Variants in THBS2 observed in about 807,000 individuals in gnomAD.
The protein encoded by THBS2 is thrombospondin-2.
In THBS2, 47 loss-of-function variants were observed where a neutral mutation model predicts 135.2. The observed-to-expected ratio is 0.35, with a 90% CI of 0.28 to 0.44. The LOEUF (loss-of-function observed/expected upper bound fraction) is 0.44, where lower values mean the gene tolerates loss of function less well. THBS2 is among the 20% of genes least tolerant of loss of function. The probability of loss-of-function intolerance (pLI) is 1.00; values close to 1 mark genes in which losing one functional copy is unlikely to be tolerated. For missense variants in THBS2, 1,288 were observed against 1,603.1 expected (o/e 0.80, Z 3.36); for synonymous variants, 639 against 633.8 (o/e 1.01, Z -0.12).
rs150102545 is a variant in THBS2, at chr6:169,219,804, C to T, written c.3511+394G>A. On this transcript the variant is annotated intron_variant, in intron 21 of 21. Transcript: ENST00000617924. ...TATTTTGATTCAAATATACCTGTAG[C>T]GAGATAACTATAGAGAAACTCCTTC... 1.4e-3 allele frequency: 736 copies of T among 524,226 alleles called. 3 individuals carry two copies. The highest frequency in any genetic ancestry group is 2.4e-3 in the South Asian group (169 of 71,374). 32.5% of individuals were successfully genotyped at this position (524,226 alleles called of 1,614,324 possible).
At chr6:169,248,049 CTGTGTG>C (rs35032917) in intron 3 of THBS2, among the ~76,000 whole-genome samples, 22 of 151,008 alleles carry the variant, frequency 1.5e-4, no homozygotes, top group African/African-American at 5.4e-4. Flanking sequence ...GTGTGCGTGT[CTGTGTG>C]TGTGTGTTGC....
chr6:169,243,672 C>T lies in THBS2; in HGVS notation c.695-1714G>A, dbSNP rs557189889. The stretch of plus-strand genomic sequence containing the variant: ...GAAACCACCCTGAGTGGATTTTACC[C>T]AGCACACTAATCTTTAACTAACCTA... On this transcript the variant is annotated intron_variant, in intron 4 of 21. Coordinates refer to ENST00000617924, the MANE Select transcript of THBS2 (RefSeq NM_003247.5). Among the ~76,000 whole-genome samples the T allele has an allele frequency of 1.1e-4, 16 of 152,328 alleles. No homozygotes were observed. In the East Asian group the frequency reaches 2.5e-3, roughly 24 times the overall value.
intron 4 of THBS2, among the ~76,000 whole-genome samples, chr6:169,243,300 G>A (rs757218656): frequency 7.9e-5 from 12 of 152,176 alleles, no homozygotes; most frequent in Non-Finnish European, 1.5e-4. Context: ...GACCTGAGGC[G>A]AGTCAGGGAC....
At chr6:169,248,042 T>C (rs1057388631) in intron 3 of THBS2, among the ~76,000 whole-genome samples, 7 of 129,558 alleles carry the variant, frequency 5.4e-5, no homozygotes, top group African/African-American at 1.9e-4. Context: ...GGTGTGTGTG[T>C]GCGTGTCTGT....
chr6:169,247,536 T>C (rs1780593277), intron 3 of THBS2, among the ~76,000 whole-genome samples: 3 of 151,894 alleles, frequency 2.0e-5, no homozygotes, highest in Admixed American at 2.0e-4. Flanking sequence ...GTGGGGGATG[T>C]GTGAGTGTAT....
intron 17 of THBS2, 146 bp downstream of exon 17, chr6:169,224,999 A>C (rs907479253): frequency 2.6e-6 from 2 of 766,018 alleles, no homozygotes; most frequent in Non-Finnish European, 4.4e-6. Flanking sequence ...CTCATATTGC[A>C]TGGACCCACA....
chr6:169,226,484 C>G (rs898378601), intron 15 of THBS2, among the ~76,000 whole-genome samples, 186 bp from the exon 16 acceptor site: 3 of 152,280 alleles, frequency 2.0e-5, no homozygotes, highest in Middle Eastern at 3.4e-3. Flanking sequence ...GAACATATGA[C>G]ATATTTCATT....
chr6:169,229,766 G>C (rs9505891), intron 13 of THBS2, 87 bp from the exon 14 acceptor site: 230,273 of 1,083,938 alleles, frequency 0.21, 27,060 homozygotes, highest in African/African-American at 0.4. Context: ...CCAGCATGGC[G>C]CCGAGGAAGG....
chr6:169,232,848 C>T, intron 11 of THBS2, 32 bp from the exon 12 acceptor site: 1 of 1,607,782 alleles, frequency 6.2e-7, no homozygotes, highest in Non-Finnish European at 8.5e-7. Flanking sequence ...AGAGGCCGCT[C>T]CCGACCTCAG....
At chr6:169,228,909 A>AT in intron 14 of THBS2, among the ~76,000 whole-genome samples, 1 of 146,546 alleles carries the variant, frequency 6.8e-6, no homozygotes. Flanking sequence ...GAGCGACCAA[A>AT]AAAAAAAAAA....
chr6:169,224,266 T>A (rs1201988804), intron 17 of THBS2, among the ~76,000 whole-genome samples: 1 of 152,250 alleles, frequency 6.6e-6, no homozygotes, highest in African/African-American at 2.4e-5. Flanking sequence ...TCTGAAATGC[T>A]GAAATGCTGC....
chr6:169,226,369 T>C, intron 15 of THBS2, 71 bp from the exon 16 acceptor site: 1 of 1,235,384 alleles, frequency 8.1e-7, no homozygotes, highest in Non-Finnish European at 1.2e-6. Context: ...AAAAGCACAT[T>C]GTTTTTCCTA....
In THBS2 at chr6:169,228,374, G is replaced by A. The variant is rs1438028939; in HGVS notation, c.2260-93C>T. ...TATAAGTTATGTACTCAAGGTTGAT[G>A]AAAATCAATATAGAAATCAAACAAA... On this transcript the variant is annotated intron_variant, in intron 14 of 21. Transcript: ENST00000617924. The A allele has an allele frequency of 1.9e-5, 27 of 1,440,330 alleles. 1 individual carries two copies. Among genetic ancestry groups the A allele is most frequent in the Non-Finnish European group, 2.4e-5 (26 of 1,064,670 alleles). The allele number at this position is 1,440,330 out of a possible 1,614,324, so 89.2% of individuals were successfully genotyped here.
intron 17 of THBS2, 29 bp downstream of exon 17, chr6:169,225,116 C>T: frequency 1.9e-6 from 3 of 1,608,432 alleles, no homozygotes; most frequent in East Asian, 2.2e-5. Context: ...CCATTTTCCT[C>T]CACGCCCATG....
At chr6:169,247,527 T>TG (rs112930671) in intron 3 of THBS2, among the ~76,000 whole-genome samples, 29,190 of 144,318 alleles carry the variant, frequency 0.2, 2,848 homozygotes, top group East Asian at 0.23. Flanking sequence ...TGTTTATGTG[T>TG]GGGGGATGTG....
intron 4 of THBS2, among the ~76,000 whole-genome samples, chr6:169,242,840 CTTCCCACT>C (rs72090400): frequency 9.6e-5 from 5 of 51,868 alleles, no homozygotes; most frequent in Non-Finnish European, 1.4e-4. Context: ...ACCTTCCCAC[CTTCCCACT>C]GCTCCCACCT....
rs903684046 is a variant in THBS2, at chr6:169,244,168, T to G, written c.694+2029A>C. On this transcript the variant is annotated intron_variant, in intron 4 of 21. Coordinates refer to ENST00000617924, the MANE Select transcript of THBS2 (RefSeq NM_003247.5). ...AACAGATCTAGATTTCTCTGTGTTT[T>G]TTTTTTTTTTTTTTTGGAAGATCTA... Among the ~76,000 whole-genome samples, 339 of 140,586 alleles carry G rather than the reference T, an allele frequency of 2.4e-3. 1 individual carries two copies. Among genetic ancestry groups the G allele is most frequent in the African/African-American group, 9.1e-3 (324 of 35,422 alleles). 92.2% of individuals were successfully genotyped at this position (140,586 alleles called of 152,430 possible). A position where few individuals can be genotyped will look rare whatever the true frequency, so the allele number is the denominator to read the frequency against.
rs1156695216 is a variant in THBS2 at position 169,241,176 on chromosome 6, TG to T, written c.891+585del. On this transcript the variant is annotated intron_variant, in intron 5 of 21. Transcript: ENST00000617924. This position sits in a 1 kb window ranked among gnomAD's most constrained non-coding sequence, Gnocchi z 5.5. Reference sequence around the variant, plus strand: ...CATCACTGCACCCTGGTTAGCCATGTGTATGTTGTGGGGCACCGTGGCCCGG... The same window carrying T: ...CATCACTGCACCCTGGTTAGCCATGTTATGTTGTGGGGCACCGTGGCCCGG... Among the ~76,000 whole-genome samples the T allele has an allele frequency of 6.6e-6, 1 of 152,154 alleles. No homozygotes were observed. Among genetic ancestry groups the T allele is most frequent in the East Asian group, 1.9e-4 (1 of 5,168 alleles).
At chr6:169,247,661 T>C (rs574646777) in intron 3 of THBS2, among the ~76,000 whole-genome samples, 1 of 151,300 alleles carries the variant, frequency 6.6e-6, no homozygotes, top group South Asian at 2.1e-4. Context: ...TGCATGGCTG[T>C]GGGTGGTGTG....
Sources: allele counts gnomAD v4.1 joint callset (sites outside exome capture counted in the v4.1 genomes callset), GRCh38; gene constraint gnomAD v4.1.1; non-coding constraint Gnocchi (gnomAD v3.1); transcripts MANE v1.5; gene names NCBI Gene and HGNC (gene_info 2026-07-23, HGNC 2026-07-21).